SLC15A2: variants seen among roughly 807,000 people sequenced by gnomAD.
SLC15A2 encodes the protein kidney H(+)/peptide cotransporter.
SLC15A2 carries 77 observed loss-of-function variants against 95.5 expected under a neutral mutation model. The observed-to-expected ratio is 0.81, with a 90% CI of 0.67 to 0.97. The LOEUF (loss-of-function observed/expected upper bound fraction) is 0.97. SLC15A2 is among the 50% of genes least tolerant of loss of function. The pLI is 0.00. For missense variants in SLC15A2, 893 were observed against 874.4 expected, an observed-to-expected ratio of 1.02 and a Z score of -0.27; for synonymous variants, 306 against 306.9, an observed-to-expected ratio of 1.00 and a Z score of 0.03.
intron 3 of SLC15A2, among the ~76,000 whole-genome samples, chr3:121,911,133 C>T (rs948753232): frequency 2.0e-5 from 3 of 152,210 alleles, no homozygotes; most frequent in Non-Finnish European, 4.4e-5. Context: ...ACCCTTCTTG[C>T]TCTCTACAGC....
intron 19 of SLC15A2, among the ~76,000 whole-genome samples, chr3:121,934,559 CTGTT>C (rs1292098536): frequency 1.3e-5 from 2 of 150,456 alleles, no homozygotes; most frequent in Non-Finnish European, 3.0e-5. Context: ...ATTTGGCTCT[CTGTT>C]TGTCTGTTAT....
Position 121,935,646 on chromosome 3 carries a change from C to A in SLC15A2, c.1762-3703C>A, listed in dbSNP as rs1308021234. Among the ~76,000 whole-genome samples, 6 of 151,510 alleles carry A rather than the reference C, an allele frequency of 4.0e-5. No homozygotes were observed. The South Asian group carries it at 1.2e-3, about 31-fold the overall frequency. On this transcript the variant is annotated intron_variant, in intron 19 of 21. Transcript: ENST00000489711. ...CATTTTTTATTGCGTCTATTTGATTCTTCTCTCTTTTTTTCTTTATTAGTC... is the reference window on the plus strand; with the variant it reads ...CATTTTTTATTGCGTCTATTTGATTATTCTCTCTTTTTTTCTTTATTAGTC...
At chr3:121,930,434 C>T (rs913089850) in intron 17 of SLC15A2, among the ~76,000 whole-genome samples, 1 of 152,122 alleles carries the variant, frequency 6.6e-6, no homozygotes, top group African/African-American at 2.4e-5. Flanking sequence ...ACTATCATAT[C>T]TTTATATATG....
intron 7 of SLC15A2, among the ~76,000 whole-genome samples, chr3:121,918,212 G>A (rs1166253160): frequency 6.6e-6 from 1 of 152,092 alleles, no homozygotes; most frequent in Admixed American, 6.5e-5. Flanking sequence ...TCTGGCCCTG[G>A]TTGAATTAAC....
At chr3:121,919,129 C>T (rs963740712) in intron 7 of SLC15A2, among the ~76,000 whole-genome samples, 5 of 152,168 alleles carry the variant, frequency 3.3e-5, no homozygotes, top group African/African-American at 7.2e-5. Flanking sequence ...AAGGTCTGAG[C>T]CCCCAGAAAT....
rs192450987 is a variant in SLC15A2 at position 121,942,162 on chromosome 3, G to A, written c.*1155G>A. On this transcript the variant is annotated 3_prime_UTR_variant, in exon 22 of 22. Coordinates refer to ENST00000489711, the MANE Select transcript of SLC15A2 (RefSeq NM_021082.4). ...CTAAAATGGAAATGTCAATAGAGGA[G>A]CATGGTCCTATGTGAGGTTCCTATC... 3.3e-5 allele frequency: 5 copies of A among 152,318 alleles called. No homozygotes were observed. Among genetic ancestry groups the A allele is most frequent in the African/African-American group, 4.8e-5 (2 of 41,574 alleles). The allele number at this position is 152,318 out of a possible 1,614,324, so 9.4% of individuals were successfully genotyped here.
intron 19 of SLC15A2, among the ~76,000 whole-genome samples, chr3:121,938,507 G>A (rs934264002): frequency 4.6e-5 from 7 of 152,196 alleles, no homozygotes; most frequent in South Asian, 2.1e-4. Flanking sequence ...GCAGTATTCC[G>A]GTGGGAGTGA....
In SLC15A2 at chr3:121,940,877, T is replaced by G; in HGVS notation, c.2060T>G (p.Leu687Arg). The G allele has an allele frequency of 6.2e-7, 1 of 1,614,084 alleles. No homozygotes were observed. Residue 687 changes from leucine to arginine, a missense_variant, in exon 22 of 22, where the codon CTG becomes CGG. By Grantham distance (102) the Leu-to-Arg change is moderately radical. Coordinates refer to ENST00000489711, the MANE Select transcript of SLC15A2 (RefSeq NM_021082.4). Reference sequence around the variant, plus strand: ...TCCTGCCTCCTGCTGGTGATCTGCCTGATCTTCTCCATCATGGGCTACTAC... The same window carrying G: ...TCCTGCCTCCTGCTGGTGATCTGCCGGATCTTCTCCATCATGGGCTACTAC... ...LFSCLLLVIC[L>R]IFSIMGYYYV... is the part of the protein sequence containing the mutation.
At chr3:121,925,608 A>AT (rs1710099571) in intron 13 of SLC15A2, among the ~76,000 whole-genome samples, 1 of 148,938 alleles carries the variant, frequency 6.7e-6, no homozygotes. Flanking sequence ...GCCCTTTGTC[A>AT]TTTGTTCATT....
At chr3:121,930,804 G>T (rs1219603352) in intron 17 of SLC15A2, 36 bp from the exon 18 acceptor site, 14 of 1,384,302 alleles carry the variant, frequency 1.0e-5, no homozygotes, top group African/African-American at 5.7e-5. Context: ...AGGTGTTCCT[G>T]TTTGTTTGAT....
chr3:121,919,491 T>C (rs1356248748), intron 7 of SLC15A2, among the ~76,000 whole-genome samples: 1 of 151,600 alleles, frequency 6.6e-6, no homozygotes, highest in Non-Finnish European at 1.5e-5. Context: ...AATGGGGGAG[T>C]ACATGCTGAT....
chr3:121,907,011 T>G (rs1709662410), intron 3 of SLC15A2, among the ~76,000 whole-genome samples: 1 of 152,252 alleles, frequency 6.6e-6, no homozygotes, highest in African/African-American at 2.4e-5. Flanking sequence ...TTTGGTCTTT[T>G]TACATAGTCC....
At chr3:121,916,528 A>C (rs1206002562) in intron 7 of SLC15A2, among the ~76,000 whole-genome samples, 1 of 152,236 alleles carries the variant, frequency 6.6e-6, no homozygotes, top group Non-Finnish European at 1.5e-5. Flanking sequence ...CACTGATAGT[A>C]GTACTCAGAA....
At chr3:121,921,633 C>T (rs1469728336) in intron 7 of SLC15A2, among the ~76,000 whole-genome samples, 2 of 152,006 alleles carry the variant, frequency 1.3e-5, no homozygotes, top group South Asian at 4.2e-4. Context: ...GTCTTTCATG[C>T]CAGGAGTTTG....
At chr3:121,930,796 G>T in intron 17 of SLC15A2, 44 bp from the exon 18 acceptor site, 1 of 1,273,392 alleles carries the variant, frequency 7.9e-7, no homozygotes, top group South Asian at 1.2e-5. Flanking sequence ...CTTTTATCAG[G>T]TGTTCCTGTT....
intron 7 of SLC15A2, among the ~76,000 whole-genome samples, chr3:121,916,066 A>C (rs1404263703): frequency 2.0e-5 from 3 of 152,186 alleles, no homozygotes; most frequent in African/African-American, 4.8e-5. Flanking sequence ...TCCTCTTTCA[A>C]ATTAGTTTAC....
chr3:121,926,048 GAA>G (rs1211655970), intron 13 of SLC15A2, among the ~76,000 whole-genome samples: 2 of 151,936 alleles, frequency 1.3e-5, no homozygotes, highest in East Asian at 3.9e-4. Context: ...GTATCACAGA[GAA>G]GAGCAGTTCA....
At chr3:121,908,112 C>T (rs1709692406) in intron 3 of SLC15A2, among the ~76,000 whole-genome samples, 1 of 152,250 alleles carries the variant, frequency 6.6e-6, no homozygotes, top group African/African-American at 2.4e-5. Context: ...CCCTACTAGG[C>T]TGCTGCCTCG....
chr3:121,919,099 G>T (rs1032466516), intron 7 of SLC15A2, among the ~76,000 whole-genome samples: 1 of 152,210 alleles, frequency 6.6e-6, no homozygotes, highest in African/African-American at 2.4e-5. Context: ...AGGTGTTATA[G>T]CTCCTGCTCA....
Sources: gnomAD v4.1 joint callset for allele counts (sites outside exome capture counted in the v4.1 genomes callset) on GRCh38, gnomAD v4.1.1 for gene constraint, MANE v1.5 for transcripts, NCBI Gene and HGNC (gene_info 2026-07-23, HGNC 2026-07-21) for gene names.